PDZD2: variants seen among roughly 807,000 people sequenced by gnomAD.
PDZD2 encodes PDZ domain containing 2, also known as PDZ domain-containing protein 2.
PDZD2 carries 90 observed loss-of-function variants against 220.7 expected under a neutral mutation model. That is an observed-to-expected ratio of 0.41 (90% CI 0.34 to 0.49). The LOEUF is 0.49. Ranked by LOEUF, PDZD2 falls within the 20% of genes least tolerant of loss-of-function variation. The pLI is 0.28. For missense variants in PDZD2, 3,174 were observed against 3,608.5 expected, an observed-to-expected ratio of 0.88 and a Z score of 3.08; for synonymous variants, 1,375 against 1,450.5, an observed-to-expected ratio of 0.95 and a Z score of 1.18.
intron 1 of PDZD2, among the ~76,000 whole-genome samples, chr5:31,728,963 T>TTG (rs1455281172): frequency 6.6e-6 from 1 of 152,190 alleles, no homozygotes; most frequent in Non-Finnish European, 1.5e-5. Context: ...CAGGCGATTC[T>TTG]TGTGCCTCAG....
chr5:31,660,424 A>G (rs976730742), intron 1 of PDZD2, among the ~76,000 whole-genome samples: 13 of 152,060 alleles, frequency 8.5e-5, no homozygotes, highest in African/African-American at 3.1e-4. Context: ...AGATTGGGTA[A>G]TTTATAAAGG....
intron 14 of PDZD2, among the ~76,000 whole-genome samples, chr5:32,066,042 A>ATCAG (rs1274278518): frequency 1.2e-4 from 18 of 150,510 alleles, no homozygotes; most frequent in Non-Finnish European, 2.1e-4. Context: ...CAATCAATCA[A>ATCAG]TCAATCAATC....
intron 2 of PDZD2, among the ~76,000 whole-genome samples, chr5:31,882,036 A>G (rs576422733): frequency 6.6e-6 from 1 of 152,216 alleles, no homozygotes; most frequent in Admixed American, 6.5e-5. Context: ...CTTATATTTA[A>G]TAGTGCTTAG....
chr5:32,011,796 G>A (rs569792022), intron 6 of PDZD2, among the ~76,000 whole-genome samples: 1 of 152,146 alleles, frequency 6.6e-6, no homozygotes, highest in Non-Finnish European at 1.5e-5. Context: ...GTTGCTTTTC[G>A]TCTTCCTTTT....
At chr5:31,753,369 C>T (rs751211960) in intron 1 of PDZD2, among the ~76,000 whole-genome samples, 7 of 152,138 alleles carry the variant, frequency 4.6e-5, no homozygotes, top group Middle Eastern at 3.2e-3. Flanking sequence ...CTAAAGTTGC[C>T]AGCAGGGCGG....
intron 2 of PDZD2, among the ~76,000 whole-genome samples, chr5:31,949,030 G>A (rs1171403083): frequency 2.7e-5 from 4 of 149,698 alleles, no homozygotes; most frequent in African/African-American, 9.9e-5. Context: ...CCCAGGAGGC[G>A]GAGGTTGCAC....
Position 32,089,134 on chromosome 5 carries a change from G to A in PDZD2, c.5686G>A (p.Val1896Ile), listed in dbSNP as rs753644269. The A allele has an allele frequency of 1.9e-6, 3 of 1,614,170 alleles. No homozygotes were observed. The highest frequency in any genetic ancestry group is 1.1e-5 in the South Asian group (1 of 91,084). The change falls in exon 20 of 25, where the codon GTC becomes ATC. Residue 1896 changes from valine to isoleucine, a missense_variant. Transcript: ENST00000438447. Reference protein sequence around the residue: ...KRLSLKGKAKVNSEAPAANAV... With the variant: ...KRLSLKGKAKINSEAPAANAV... ...GCTCAGCCTCAAGGGCAAGGCCAAA[G>A]TCAACTCTGAGGCCCCTGCTGCGAA... is the stretch of plus-strand genomic sequence containing the variant.
rs193260630 is a variant in PDZD2 at position 31,929,170 on chromosome 5, G to T, written c.477-53985G>T. 1.8e-3 allele frequency among the ~76,000 whole-genome samples: 274 copies of T among 152,170 alleles called. 1 individual carries two copies. Among genetic ancestry groups the T allele is most frequent in the Middle Eastern group, 0.01 (3 of 294 alleles). On this transcript the variant is annotated intron_variant, in intron 2 of 24. Transcript: ENST00000438447. ...TTTGAATCTGAATGCTTTAGAAAGG[G>T]CATGTTGGCTCCAGACTCAGCGTCT...
intron 2 of PDZD2, among the ~76,000 whole-genome samples, chr5:31,803,189 C>T (rs1754505566): frequency 6.6e-6 from 1 of 150,720 alleles, no homozygotes; most frequent in South Asian, 2.1e-4. Context: ...CCTTGAACTC[C>T]TGGGCTCAAA....
Position 31,642,898 on chromosome 5 carries a change from C to T in PDZD2, c.-361+3461C>T, listed in dbSNP as rs71627315. ...TGCTGCCTGCCAGGGGAAGCAAACC[C>T]GGCACCTGGCACCAGTGGAGGCAGC... On this transcript the variant is annotated intron_variant, in intron 1 of 24. Transcript: ENST00000438447. Among the ~76,000 whole-genome samples the T allele has an allele frequency of 6.0e-3, 914 of 152,260 alleles. 5 individuals carry two copies. The highest frequency in any genetic ancestry group is 0.011 in the Admixed American group (164 of 15,298).
At chr5:31,840,470 T>C (rs1295385740) in intron 2 of PDZD2, 3 of 153,818 alleles carry the variant, frequency 2.0e-5, no homozygotes, top group Non-Finnish European at 2.7e-5. Flanking sequence ...TCCAGAGGTC[T>C]TTTTTTTTTT....
intron 2 of PDZD2, among the ~76,000 whole-genome samples, chr5:31,878,555 C>CCTTTTTTTTT (rs750266997): frequency 2.1e-5 from 1 of 48,198 alleles, no homozygotes; most frequent in African/African-American, 7.0e-5. Flanking sequence ...ATGACCTCGG[C>CCTTTTTTTTT]TTTTTTTTTT....
chr5:31,908,116 A>C (rs577893202), intron 2 of PDZD2, among the ~76,000 whole-genome samples: 1 of 151,172 alleles, frequency 6.6e-6, no homozygotes, highest in East Asian at 1.9e-4. Flanking sequence ...AAAGAAAGAA[A>C]AGGATCAGGT....
chr5:31,740,158 TCTC>T (rs1338985120), intron 1 of PDZD2, among the ~76,000 whole-genome samples: 1 of 152,148 alleles, frequency 6.6e-6, no homozygotes. Context: ...CCATGTTTCT[TCTC>T]CTGTTGCGAT....
chr5:31,918,086 G>A (rs1743846115), intron 2 of PDZD2, among the ~76,000 whole-genome samples: 1 of 152,136 alleles, frequency 6.6e-6, no homozygotes, highest in Non-Finnish European at 1.5e-5. Context: ...CGGAACAGGA[G>A]CCAGAGAGCA....
chr5:31,845,815 T>C (rs980040047), intron 2 of PDZD2, among the ~76,000 whole-genome samples: 6 of 152,246 alleles, frequency 3.9e-5, no homozygotes, highest in African/African-American at 1.4e-4. Context: ...ACCTAATACA[T>C]AAAAGGCTTA....
At chr5:31,899,537 T>A (rs1741896169) in intron 2 of PDZD2, among the ~76,000 whole-genome samples, 1 of 152,250 alleles carries the variant, frequency 6.6e-6, no homozygotes, top group Non-Finnish European at 1.5e-5. Flanking sequence ...TTCTGTCTTC[T>A]GTGATTTGGC....
At chr5:31,659,541 C>T (rs777822282) in intron 1 of PDZD2, among the ~76,000 whole-genome samples, 15 of 152,106 alleles carry the variant, frequency 9.9e-5, no homozygotes, top group Non-Finnish European at 1.5e-4. Flanking sequence ...AACTAGCCCC[C>T]GAGACAAGAC....
chr5:32,009,140 C>T lies in PDZD2; in HGVS notation c.1255-1190C>T, dbSNP rs191980780. Among the ~76,000 whole-genome samples the T allele has an allele frequency of 1.4e-3, 206 of 151,732 alleles. 1 individual carries two copies. Among genetic ancestry groups the T allele is most frequent in the Non-Finnish European group, 4.7e-4 (32 of 67,898 alleles). ...CAGGCAGATCACGAGGTCAGGGGTTCGAGACCAGCCTGGCCAACATAGTGA... is the reference window on the plus strand; with the variant it reads ...CAGGCAGATCACGAGGTCAGGGGTTTGAGACCAGCCTGGCCAACATAGTGA... On this transcript the variant is annotated intron_variant, in intron 5 of 24. Transcript: ENST00000438447.
Sources: gnomAD v4.1 joint callset for allele counts (sites outside exome capture counted in the v4.1 genomes callset) on GRCh38, gnomAD v4.1.1 for gene constraint, MANE v1.5 for transcripts, NCBI Gene and HGNC (gene_info 2026-07-23, HGNC 2026-07-21) for gene names.